Variants in INTS14 observed in about 807,000 individuals in gnomAD.
INTS14 encodes UPF0464 protein C15orf44.
In INTS14, 27 loss-of-function variants were observed where a neutral mutation model predicts 56.9. That is an observed-to-expected ratio of 0.47 (90% CI 0.35 to 0.65). INTS14 has a LOEUF of 0.65. Among genes scored for constraint, INTS14 ranks in the 30% least tolerant of loss-of-function variants. The pLI is 0.00. For missense variants in INTS14, 517 were observed against 632.2 expected (o/e 0.82, Z 1.95); for synonymous variants, 207 against 236.2 (o/e 0.88, Z 1.13).
intron 9 of INTS14, among the ~76,000 whole-genome samples, chr15:65,591,292 C>G (rs1051946388): frequency 6.6e-6 from 1 of 152,022 alleles, no homozygotes; most frequent in African/African-American, 2.4e-5. Flanking sequence ...CTAGGAATGA[C>G]AGGAAATTAC....
Position 65,598,955 on chromosome 15 carries a change from A to T in INTS14, c.522T>A (p.Arg174=). Residue 174 remains arginine (R), a synonymous_variant, in exon 5 of 12, where the codon CGT becomes CGA. Coordinates refer to ENST00000313182, the MANE Select transcript of INTS14 (RefSeq NM_001394796.1). ...QSTDSLECLE[R]LIDLNNGEGQ... ...CTTCACCATTGTTTAAATCTATGAG[A>T]CGTTCAAGGCATTCCAAGGAATCGG... 1 of 1,614,018 alleles carries T rather than the reference A, an allele frequency of 6.2e-7. No individual in the cohort carries two copies.
Position 65,581,832 on chromosome 15 carries a change from A to G in INTS14, c.1305+122T>C, listed in dbSNP as rs367657057. ...CAGACCTATCACTTTTACTGAGTTT[A>G]TTTGAAAAAACTGAGGCACAAGTCA... On this transcript the variant is annotated intron_variant, in intron 11 of 11. Coordinates refer to ENST00000313182, the MANE Select transcript of INTS14 (RefSeq NM_001394796.1). 1.8e-4 allele frequency: 172 copies of G among 975,398 alleles called. 1 individual carries two copies. In the East Asian group the frequency reaches 3.9e-3, roughly 22 times the overall value. The allele number at this position is 975,398 out of a possible 1,614,324, so 60.4% of individuals were successfully genotyped here. A position where few individuals can be genotyped will look rare whatever the true frequency, so the allele number is the denominator to read the frequency against.
intron 9 of INTS14, 48 bp downstream of exon 9, chr15:65,591,550 C>A (rs768844350): frequency 1.3e-6 from 2 of 1,596,144 alleles, no homozygotes; most frequent in Non-Finnish European, 1.7e-6. Flanking sequence ...TTGAGAACAG[C>A]AGAATGAAAA....
intron 3 of INTS14, among the ~76,000 whole-genome samples, chr15:65,604,096 GT>G (rs1294445232): frequency 6.6e-6 from 1 of 152,170 alleles, no homozygotes; most frequent in Non-Finnish European, 1.5e-5. Flanking sequence ...ATGTTTGTTT[GT>G]TTTTGCCACA....
At chr15:65,596,601 G>A (rs57083017) in intron 6 of INTS14, among the ~76,000 whole-genome samples, 9,499 of 151,854 alleles carry the variant, frequency 0.063, 307 homozygotes, top group African/African-American at 0.09. Context: ...ATGGAGTTTC[G>A]CTCTTGTTGC....
In INTS14 at chr15:65,579,301, A is replaced by G. The variant is rs1466877166; in HGVS notation, c.*107T>C. 4 of 1,466,128 alleles carry G rather than the reference A, an allele frequency of 2.7e-6. No individual in the cohort carries two copies. Among genetic ancestry groups the G allele is most frequent in the Non-Finnish European group, 3.7e-6 (4 of 1,088,400 alleles). The allele number at this position is 1,466,128 out of a possible 1,614,324, so 90.8% of individuals were successfully genotyped here. A position where few individuals can be genotyped will look rare whatever the true frequency, so the allele number is the denominator to read the frequency against. On this transcript the variant is annotated 3_prime_UTR_variant, in exon 12 of 12. Coordinates refer to ENST00000313182, the MANE Select transcript of INTS14 (RefSeq NM_001394796.1). ...CAAGTGGTGCTTCTGAGGCAGCCTC[A>G]GGAAGGTCTTTGGGTGGCTATTCTA... is the stretch of plus-strand genomic sequence containing the variant.
chr15:65,606,269 A>T (rs945562776), intron 2 of INTS14, among the ~76,000 whole-genome samples: 1 of 152,064 alleles, frequency 6.6e-6, no homozygotes, highest in African/African-American at 2.4e-5. Context: ...AAAAAAAAAA[A>T]AAATCTGAGA....
At chr15:65,604,571 A>G (rs898657117) in intron 3 of INTS14, among the ~76,000 whole-genome samples, 1 of 152,002 alleles carries the variant, frequency 6.6e-6, no homozygotes, top group Admixed American at 6.6e-5. Flanking sequence ...TCTACAAAAA[A>G]TGTAAAAAAT....
At chr15:65,585,513 A>C (rs1351385684) in intron 9 of INTS14, among the ~76,000 whole-genome samples, 2 of 152,246 alleles carry the variant, frequency 1.3e-5, no homozygotes, top group African/African-American at 4.8e-5. Flanking sequence ...TTATTGGTGA[A>C]GCATACCCCA....
chr15:65,583,904 G>A (rs968653727), intron 10 of INTS14, among the ~76,000 whole-genome samples: 2 of 152,170 alleles, frequency 1.3e-5, no homozygotes, highest in African/African-American at 4.8e-5. Flanking sequence ...GCAGGATGTG[G>A]TTCAGTCTCC....
chr15:65,596,791 C>T (rs1007174463), intron 6 of INTS14, among the ~76,000 whole-genome samples: 3 of 152,084 alleles, frequency 2.0e-5, no homozygotes, highest in East Asian at 1.9e-4. Context: ...GCTGGTCTCC[C>T]GACCTCAGGT....
At chr15:65,589,835 T>C (rs12909511) in intron 9 of INTS14, among the ~76,000 whole-genome samples, 31,868 of 152,092 alleles carry the variant, frequency 0.21, 4,348 homozygotes, top group East Asian at 0.73. Context: ...CTATTTATGA[T>C]AGGCTTACAA....
At chr15:65,587,897 A>G (rs1196586147) in intron 9 of INTS14, among the ~76,000 whole-genome samples, 3 of 152,116 alleles carry the variant, frequency 2.0e-5, no homozygotes, top group Non-Finnish European at 4.4e-5. Flanking sequence ...TGGGAGGATC[A>G]CCCGAGAGGT....
chr15:65,598,473 G>T lies in INTS14; in HGVS notation c.606-10C>A. ...CAAATCTATCAGTTTTCTAGAATAT[G>T]ATAATTAATAGTTATAGGAAGAGTA... On this transcript the variant is annotated splice_polypyrimidine_tract_variant and intron_variant, in intron 5 of 11. Coordinates refer to ENST00000313182, the MANE Select transcript of INTS14 (RefSeq NM_001394796.1). The T allele has an allele frequency of 6.2e-7, 1 of 1,611,918 alleles. No homozygotes were observed. The highest frequency in any genetic ancestry group is 8.5e-7 in the Non-Finnish European group (1 of 1,178,548).
In INTS14 at chr15:65,599,845, T is replaced by C. The variant is rs375794875; in HGVS notation, c.415A>G (p.Ser139Gly). 1.2e-5 allele frequency: 20 copies of C among 1,614,114 alleles called. No individual in the cohort carries two copies. The African/African-American group carries it at 2.4e-4, about 19-fold the overall frequency. ...SLATQNQRSE[S>G]NRFPLPFPFP... ...GGAAAAGGTAGTGGAAACCTGTTGCTCTCACTTCGTTGATTTTGAGTGGCT... is the reference window on the plus strand; with the variant it reads ...GGAAAAGGTAGTGGAAACCTGTTGCCCTCACTTCGTTGATTTTGAGTGGCT... Residue 139 changes from serine (S) to glycine (G), a missense_variant, in exon 4 of 12, where the codon AGC (serine) becomes GGC (glycine). Physicochemically the swap from Ser to Gly is moderately conservative, Grantham distance 56. Coordinates refer to ENST00000313182, the MANE Select transcript of INTS14 (RefSeq NM_001394796.1).
At chr15:65,600,025 G>A in intron 3 of INTS14, 96 bp from the exon 4 acceptor site, 1 of 1,350,508 alleles carries the variant, frequency 7.4e-7, no homozygotes. Context: ...AGGGGCACCA[G>A]GGCTGGCTAT....
At chr15:65,589,250 T>G (rs1449921312) in intron 9 of INTS14, among the ~76,000 whole-genome samples, 1 of 152,214 alleles carries the variant, frequency 6.6e-6, no homozygotes, top group Non-Finnish European at 1.5e-5. Context: ...CTCTGCTTCC[T>G]GGGCTCAAGC....
At chr15:65,597,014 A>C (rs2073239080) in intron 6 of INTS14, among the ~76,000 whole-genome samples, 1 of 152,260 alleles carries the variant, frequency 6.6e-6, no homozygotes, top group African/African-American at 2.4e-5. Context: ...TTTAGCTGCA[A>C]GAAAGATCTT....
chr15:65,598,697 A>G (rs2073308511), intron 5 of INTS14, 175 bp downstream of exon 5: 1 of 695,304 alleles, frequency 1.4e-6, no homozygotes, highest in Non-Finnish European at 2.4e-6. Flanking sequence ...GTATCTACAG[A>G]CAGTATAGAT....
Sources: gnomAD v4.1 joint callset for allele counts (sites outside exome capture counted in the v4.1 genomes callset) on GRCh38, gnomAD v4.1.1 for gene constraint, MANE v1.5 for transcripts, NCBI Gene and HGNC (gene_info 2026-07-23, HGNC 2026-07-21) for gene names.